GRAMD4: variants seen among roughly 807,000 people sequenced by gnomAD.
The protein encoded by GRAMD4 is GRAM domain-containing protein 4.
A neutral mutation model predicts 83.9 loss-of-function variants in GRAMD4; 25 were observed. The ratio of observed to expected loss-of-function variants is 0.30; its 90% confidence interval spans 0.22 to 0.42. The LOEUF (loss-of-function observed/expected upper bound fraction) is 0.42, where lower values mean the gene tolerates loss of function less well. Among genes scored for constraint, GRAMD4 ranks in the 10% least tolerant of loss-of-function variants. The probability of loss-of-function intolerance (pLI) is 1.00; values close to 1 mark genes in which losing one functional copy is unlikely to be tolerated. For synonymous variants in GRAMD4, 336 were observed against 320.9 expected, an observed-to-expected ratio of 1.05 and a Z score of -0.50; for missense variants, 593 against 788.7, an observed-to-expected ratio of 0.75 and a Z score of 2.97.
intron 1 of GRAMD4, 67 bp from the exon 2 acceptor site, chr22:46,626,684 G>A: frequency 1.0e-6 from 1 of 1,003,112 alleles, no homozygotes; most frequent in African/African-American, 1.6e-5. Context: ...TGTGCCCTGT[G>A]TGTGGGAGCT....
At chr22:46,599,693 G>T (rs1387516517) in intron 1 of GRAMD4, among the ~76,000 whole-genome samples, 1 of 152,156 alleles carries the variant, frequency 6.6e-6, no homozygotes, top group Non-Finnish European at 1.5e-5. Context: ...TGCATTTAAT[G>T]TATTAGCTCC....
At chr22:46,579,684 G>GC (rs2081078598) in intron 1 of GRAMD4, among the ~76,000 whole-genome samples, 1 of 152,172 alleles carries the variant, frequency 6.6e-6, no homozygotes. Context: ...GCCACATGAA[G>GC]CCCCCTTCCA....
intron 14 of GRAMD4, among the ~76,000 whole-genome samples, chr22:46,673,326 A>C (rs2073274): frequency 6.6e-6 from 1 of 152,110 alleles, no homozygotes; most frequent in Non-Finnish European, 1.5e-5. Flanking sequence ...CAGTTTGAGA[A>C]GGGCCCCCTT....
intron 1 of GRAMD4, among the ~76,000 whole-genome samples, chr22:46,602,866 C>T (rs1263577480): frequency 6.6e-6 from 1 of 150,962 alleles, no homozygotes; most frequent in South Asian, 2.1e-4. Flanking sequence ...CCTCAGCCTC[C>T]TGAGTAGCTG....
chr22:46,609,437 T>G (rs1192144575), intron 1 of GRAMD4, among the ~76,000 whole-genome samples: 1 of 152,230 alleles, frequency 6.6e-6, no homozygotes. Context: ...TGGGCCACAT[T>G]TAAACAAAAG....
chr22:46,626,700 G>A lies in GRAMD4; in HGVS notation c.-49-51G>A, dbSNP rs974668778. The A allele has an allele frequency of 2.9e-5, 35 of 1,225,536 alleles. 1 individual carries two copies. Among genetic ancestry groups the A allele is most frequent in the South Asian group, 2.4e-4 (18 of 73,720 alleles). 75.9% of individuals were successfully genotyped at this position (1,225,536 alleles called of 1,614,324 possible). Reference sequence around the variant, plus strand: ...GTGCCCTGTGTGTGGGAGCTGGCTCGTGGGGCTTGGAGGTGGCGAGCGGGA... The same window carrying A: ...GTGCCCTGTGTGTGGGAGCTGGCTCATGGGGCTTGGAGGTGGCGAGCGGGA... On this transcript the variant is annotated intron_variant, in intron 1 of 18. Transcript: ENST00000406902.
At chr22:46,577,917 C>T (rs886944045) in intron 1 of GRAMD4, among the ~76,000 whole-genome samples, 2 of 152,210 alleles carry the variant, frequency 1.3e-5, no homozygotes, top group Admixed American at 6.5e-5. Context: ...GCAACCCCGG[C>T]CCGAGGCCCC....
intron 1 of GRAMD4, among the ~76,000 whole-genome samples, chr22:46,593,450 A>T (rs1394148205): frequency 6.6e-5 from 10 of 152,086 alleles, no homozygotes; most frequent in Non-Finnish European, 1.5e-4. Flanking sequence ...CCGCACAGGG[A>T]GGGCAGGTGG....
At position 46,626,747 on chromosome 22, in the gene GRAMD4, G is replaced by T; in HGVS notation, c.-49-4G>T. 6.3e-7 allele frequency: 1 copy of T among 1,589,998 alleles called. No individual in the cohort carries two copies. The highest frequency in any genetic ancestry group is 8.6e-7 in the Non-Finnish European group (1 of 1,162,692). ...GGGAGAGTGACCACGCCCCTCTCTT[G>T]CAGGGAACCCGAGCGTCATGTTAGG... On this transcript the variant is annotated splice_region_variant and splice_polypyrimidine_tract_variant and intron_variant, in intron 1 of 18. Transcript: ENST00000406902.
upstream of GRAMD4, among the ~76,000 whole-genome samples, chr22:46,616,489 C>A: frequency 7.2e-6 from 1 of 138,516 alleles, no homozygotes; most frequent in South Asian, 2.4e-4. Flanking sequence ...CGTGTCGGTT[C>A]CCCCGTGTGT....
At chr22:46,637,108 G>A (rs1040136347) in intron 2 of GRAMD4, among the ~76,000 whole-genome samples, 3 of 152,122 alleles carry the variant, frequency 2.0e-5, no homozygotes, top group African/African-American at 4.8e-5. Flanking sequence ...GGAGGCGCCC[G>A]CAGCCTCCAC....
At position 46,588,063 on chromosome 22, in the gene GRAMD4, A is replaced by G. The variant is rs528353908; in HGVS notation, c.-50+10773A>G. 1,501 of 576,472 alleles carry G rather than the reference A, an allele frequency of 2.6e-3. 4 individuals carry two copies. The highest frequency in any genetic ancestry group is 3.0e-3 in the Non-Finnish European group (1,367 of 456,400). The allele number at this position is 576,472 out of a possible 1,614,324, so 35.7% of individuals were successfully genotyped here. On this transcript the variant is annotated intron_variant, in intron 1 of 1. Coordinates refer to the GRAMD4 transcript ENST00000431155. ...GTCGGGTTTAGAGAGAGACTCTGGG[A>G]CAGCCCCAGCCCTGGTGGAGCCCCA...
chr22:46,663,220 C>T, intron 6 of GRAMD4, 48 bp downstream of exon 6: 1 of 1,574,096 alleles, frequency 6.4e-7, no homozygotes, highest in Non-Finnish European at 8.7e-7. Flanking sequence ...GGGCCCCGGT[C>T]CCTGGGCTGA....
intron 3 of GRAMD4, among the ~76,000 whole-genome samples, chr22:46,643,120 C>CGTGGATCCATCT (rs1569283751): frequency 1.2e-4 from 11 of 94,460 alleles, no homozygotes; most frequent in African/African-American, 1.7e-4. Flanking sequence ...TCCATCCATC[C>CGTGGATCCATCT]ATGCATCCAT....
downstream of GRAMD4, among the ~76,000 whole-genome samples, chr22:46,680,560 G>GTCCGTCCGTCCA (rs2082656014): frequency 4.7e-5 from 2 of 42,368 alleles, no homozygotes; most frequent in Non-Finnish European, 1.0e-4. Flanking sequence ...CCGTCCGTCC[G>GTCCGTCCGTCCA]TCCGTCCATC....
chr22:46,648,449 A>G (rs1260423711), intron 3 of GRAMD4, among the ~76,000 whole-genome samples: 1 of 149,002 alleles, frequency 6.7e-6, no homozygotes, highest in Non-Finnish European at 1.5e-5. Flanking sequence ...GGATGGATGG[A>G]TGGATGAGTG....
rs144755036 is a variant in GRAMD4 at position 46,613,394 on chromosome 22, C to T, written c.-49-13357C>T. 5.4e-3 allele frequency among the ~76,000 whole-genome samples: 829 copies of T among 152,330 alleles called. 4 individuals carry two copies. Among genetic ancestry groups the T allele is most frequent in the African/African-American group, 0.019 (771 of 41,566 alleles). On this transcript the variant is annotated intron_variant, in intron 1 of 1. Coordinates refer to the GRAMD4 transcript ENST00000431155. ...TCTCCAGCCCCGGTGGTACTTAGGGCGACTGGAGCAGATGTGGGTCAGCCC... is the reference window on the plus strand; with the variant it reads ...TCTCCAGCCCCGGTGGTACTTAGGGTGACTGGAGCAGATGTGGGTCAGCCC...
intron 1 of GRAMD4, among the ~76,000 whole-genome samples, chr22:46,623,938 CG>C: frequency 6.6e-6 from 1 of 152,044 alleles, no homozygotes; most frequent in South Asian, 2.1e-4. Context: ...CACATCACCT[CG>C]CCCAGCTAAT....
At position 46,656,382 on chromosome 22, in the gene GRAMD4, C is replaced by T. The variant is rs546827617; in HGVS notation, c.284-1805C>T. On this transcript the variant is annotated intron_variant, in intron 3 of 18. Coordinates refer to ENST00000406902, the MANE Select transcript of GRAMD4 (RefSeq NM_015124.5). ...GCTGCCGGGCAGGAAGGTGTGCTGA[C>T]CTTTGGCTTCTGGGTTTACTGACCC... Among the ~76,000 whole-genome samples the T allele has an allele frequency of 1.7e-4, 26 of 152,326 alleles. No individual in the cohort carries two copies. In the South Asian group the frequency reaches 5.4e-3, roughly 32 times the overall value.
Sources: gnomAD v4.1 joint callset for allele counts (sites outside exome capture counted in the v4.1 genomes callset) on GRCh38, gnomAD v4.1.1 for gene constraint, MANE v1.5 for transcripts, NCBI Gene and HGNC (gene_info 2026-07-23, HGNC 2026-07-21) for gene names.